ANK2: variants seen among roughly 807,000 people sequenced by gnomAD.
ANK2 encodes ankyrin 2, also known as ankyrin-2.
In ANK2, 83 loss-of-function variants were observed where a neutral mutation model predicts 360.5. That is an observed-to-expected ratio of 0.23 (90% CI 0.19 to 0.28). The LOEUF (loss-of-function observed/expected upper bound fraction) is 0.28, where lower values mean the gene tolerates loss of function less well. Among genes scored for constraint, ANK2 ranks in the 10% least tolerant of loss-of-function variants. ANK2 has a pLI of 1.00. For synonymous variants in ANK2, 1,740 were observed against 1,759.5 expected (o/e 0.99, Z 0.28); for missense variants, 4,201 against 4,795.7 (o/e 0.88, Z 3.66).
At chr4:113,174,854 T>C (rs891261147) in intron 2 of ANK2, among the ~76,000 whole-genome samples, 1 of 152,196 alleles carries the variant, frequency 6.6e-6, no homozygotes, top group African/African-American at 2.4e-5. Flanking sequence ...TCTTTCCTTC[T>C]TGACTATATG....
chr4:113,060,183 C>A (rs1302602004), intron 1 of ANK2, among the ~76,000 whole-genome samples: 4 of 151,958 alleles, frequency 2.6e-5, no homozygotes, highest in Admixed American at 1.3e-4. Flanking sequence ...CTCAATCAAA[C>A]CCGTTTGAAC....
chr4:113,381,390 T>G (rs2097167531), intron 45 of ANK2, 67 bp from the exon 46 acceptor site: 1 of 1,583,160 alleles, frequency 6.3e-7, no homozygotes, highest in African/African-American at 1.3e-5. Context: ...AATGGTCACC[T>G]TCATTCCTAA....
chr4:112,770,567 A>G, the ANK2 span, among the ~76,000 whole-genome samples: 2 of 152,176 alleles, frequency 1.3e-5, no homozygotes, highest in Non-Finnish European at 2.9e-5. Context: ...TTATCAGAGC[A>G]TAGAGGCATG....
intron 17 of ANK2, among the ~76,000 whole-genome samples, chr4:113,279,709 A>C (rs980981664): frequency 6.7e-6 from 1 of 148,630 alleles, no homozygotes; most frequent in Non-Finnish European, 1.5e-5. Context: ...AATATATTAT[A>C]TATATCATAA....
rs117504754 is a variant in ANK2 at position 113,324,975 on chromosome 4, T to C, written c.2901-5271T>C. On this transcript the variant is annotated intron_variant, in intron 26 of 45. Coordinates refer to ENST00000357077, the MANE Select transcript of ANK2 (RefSeq NM_001148.6). ...CTCCTGCCTCCTCTGAAGCATGTAC[T>C]GTTTAGCTAATCAAATTGTGTATTT... is the stretch of plus-strand genomic sequence containing the variant. 4.7e-4 allele frequency among the ~76,000 whole-genome samples: 72 copies of C among 152,326 alleles called. No individual in the cohort carries two copies. The East Asian group carries it at 0.013, about 26-fold the overall frequency.
At chr4:112,789,446 G>A in the ANK2 span, among the ~76,000 whole-genome samples, 3 of 151,960 alleles carry the variant, frequency 2.0e-5, no homozygotes, top group African/African-American at 7.2e-5. Flanking sequence ...TGGCTACCAG[G>A]GCCAAAGTTA....
chr4:112,875,160 T>TA (rs1329786997), intron 1 of ANK2, among the ~76,000 whole-genome samples: 2 of 152,094 alleles, frequency 1.3e-5, no homozygotes, highest in African/African-American at 4.8e-5. Context: ...TAGCTGGGAT[T>TA]ACAGGTGGGC....
intron 34 of ANK2, 103 bp downstream of exon 34, chr4:113,343,245 G>A (rs2094483221): frequency 2.3e-6 from 3 of 1,287,254 alleles, no homozygotes; most frequent in East Asian, 4.8e-5. Flanking sequence ...CATCTTCAGA[G>A]TTTTCTTTTT....
At chr4:113,221,969 T>C (rs1019606758) in intron 4 of ANK2, among the ~76,000 whole-genome samples, 1 of 152,192 alleles carries the variant, frequency 6.6e-6, no homozygotes, top group Non-Finnish European at 1.5e-5. Context: ...CAGAATAGTG[T>C]AGTTGAAAGA....
the ANK2 span, among the ~76,000 whole-genome samples, chr4:112,765,659 C>CTTT: frequency 1.9e-4 from 26 of 134,286 alleles, no homozygotes; most frequent in Middle Eastern, 3.8e-3. Context: ...CCCTCCCCCG[C>CTTT]TTTTTTTTTT....
chr4:112,957,007 G>GTTTTTCTTTT (rs2095362214), intron 2 of ANK2, among the ~76,000 whole-genome samples: 2 of 66,484 alleles, frequency 3.0e-5, no homozygotes, highest in Non-Finnish European at 5.7e-5. Context: ...TATTGCTCTT[G>GTTTTTCTTTT]TTTTTTTTTT....
At chr4:112,850,249 CATCTATCTATCTATCTATCTATCT>C (rs200885271) in intron 1 of ANK2, among the ~76,000 whole-genome samples, 111 of 139,346 alleles carry the variant, frequency 8.0e-4, no homozygotes, top group Middle Eastern at 3.5e-3. Context: ...TAAGAAATTT[CATCTATCTATCTATCTATCTATCT>C]ATCTATCTAT....
upstream of ANK2, among the ~76,000 whole-genome samples, chr4:113,047,601 G>C (rs981186038): frequency 6.6e-6 from 1 of 152,092 alleles, no homozygotes; most frequent in African/African-American, 2.4e-5. Context: ...AATGGCATGG[G>C]GATTTCAGTG....
chr4:112,752,565 T>C, the ANK2 span, among the ~76,000 whole-genome samples: 5 of 152,014 alleles, frequency 3.3e-5, no homozygotes, highest in African/African-American at 4.8e-5. Context: ...TTAACTTTTT[T>C]TGAGACAGGG....
At chr4:112,927,945 G>C (rs532012283) in intron 2 of ANK2, among the ~76,000 whole-genome samples, 58 of 152,238 alleles carry the variant, frequency 3.8e-4, no homozygotes, top group African/African-American at 1.3e-3. Flanking sequence ...ACTTTCCGTA[G>C]TTAATTAAGA....
intron 1 of ANK2, among the ~76,000 whole-genome samples, chr4:112,901,864 C>CA (rs199731018): frequency 0.013 from 1,105 of 82,392 alleles, 8 homozygotes; most frequent in African/African-American, 0.024. Context: ...GACTCTGTCT[C>CA]AAAAAAAAAA....
At chr4:113,282,580 T>C in intron 17 of ANK2, 95 bp from the exon 18 acceptor site, 1 of 1,207,928 alleles carries the variant, frequency 8.3e-7, no homozygotes, top group Non-Finnish European at 1.2e-6. Context: ...TTAACTCTTC[T>C]ATTGATTAGA....
intron 2 of ANK2, among the ~76,000 whole-genome samples, chr4:112,961,465 A>AT (rs1211294118): frequency 6.6e-6 from 1 of 152,150 alleles, no homozygotes; most frequent in African/African-American, 2.4e-5. Context: ...AGGACAGAAT[A>AT]TTTTTCTGAA....
chr4:113,041,366 A>G lies in ANK2; in HGVS notation c.22-133050A>G, dbSNP rs2062905397. Among the ~76,000 whole-genome samples the G allele has an allele frequency of 2.6e-5, 4 of 152,198 alleles. No individual in the cohort carries two copies. The South Asian group carries it at 8.3e-4, about 32-fold the overall frequency. On this transcript the variant is annotated intron_variant, in intron 2 of 30. Transcript: ENST00000503271. ...ACATGATATATTTTACTAAGGAACC[A>G]CTGGTAATATCAGGCTGAGGATGTT...
Sources: gnomAD v4.1 joint callset for allele counts (sites outside exome capture counted in the v4.1 genomes callset) on GRCh38, gnomAD v4.1.1 for gene constraint, MANE v1.5 for transcripts, NCBI Gene and HGNC (gene_info 2026-07-23, HGNC 2026-07-21) for gene names.